TMEM117: variants seen among roughly 807,000 people sequenced by gnomAD.
The protein encoded by TMEM117 is transmembrane protein 117.
In TMEM117, 27 loss-of-function variants were observed where a neutral mutation model predicts 52.4. The ratio of observed to expected loss-of-function variants is 0.51; its 90% CI spans 0.38 to 0.71. The LOEUF is 0.71. Ranked by LOEUF, TMEM117 falls within the 30% of genes least tolerant of loss-of-function variation. The probability of loss-of-function intolerance (pLI) is 0.00; values close to 1 mark genes in which losing one functional copy is unlikely to be tolerated. For synonymous variants in TMEM117, 215 were observed against 206.3 expected (o/e 1.04, Z -0.36); for missense variants, 556 against 630.5 (o/e 0.88, Z 1.26).
At chr12:44,002,504 G>A (rs979786767) in intron 3 of TMEM117, among the ~76,000 whole-genome samples, 1 of 152,146 alleles carries the variant, frequency 6.6e-6, no homozygotes, top group East Asian at 1.9e-4. Flanking sequence ...GAGGGACAAG[G>A]GAAATCTTTC....
At chr12:43,928,174 A>G (rs1304310176) in intron 2 of TMEM117, among the ~76,000 whole-genome samples, 3 of 152,134 alleles carry the variant, frequency 2.0e-5, no homozygotes, top group South Asian at 2.1e-4. Context: ...CTAAATAATA[A>G]AAGTTCTCTA....
chr12:43,936,650 A>G (rs1157258009), intron 2 of TMEM117, among the ~76,000 whole-genome samples: 2 of 152,226 alleles, frequency 1.3e-5, no homozygotes, highest in Non-Finnish European at 2.9e-5. Context: ...TAGAAAAAGA[A>G]TGGCATATTT....
chr12:43,820,340 C>T, the TMEM117 span, among the ~76,000 whole-genome samples: 95 of 152,280 alleles, frequency 6.2e-4, no homozygotes, highest in African/African-American at 2.1e-3. Flanking sequence ...GTGGCACAGT[C>T]GCCACTCACT....
At chr12:44,012,546 T>C (rs979995771) in intron 3 of TMEM117, among the ~76,000 whole-genome samples, 3 of 152,092 alleles carry the variant, frequency 2.0e-5, no homozygotes, top group African/African-American at 7.2e-5. Context: ...TGACATATTC[T>C]CAAAAATAAA....
intron 5 of TMEM117, among the ~76,000 whole-genome samples, chr12:44,277,857 G>T (rs1349979552): frequency 6.9e-6 from 1 of 145,818 alleles, no homozygotes; most frequent in Non-Finnish European, 1.5e-5. Context: ...TCCACCTTCC[G>T]GGTTCAAGCG....
chr12:44,328,999 G>A (rs1951232641), intron 6 of TMEM117, among the ~76,000 whole-genome samples: 1 of 151,620 alleles, frequency 6.6e-6, no homozygotes, highest in African/African-American at 2.4e-5. Flanking sequence ...GGTCGCAGAA[G>A]GGACAAGCAG....
At chr12:43,907,447 C>T (rs1414189536) in intron 2 of TMEM117, among the ~76,000 whole-genome samples, 2 of 151,554 alleles carry the variant, frequency 1.3e-5, no homozygotes, top group African/African-American at 4.8e-5. Flanking sequence ...GCCTCTCCTC[C>T]TCCAAAGGAA....
At chr12:44,090,764 A>G (rs1165067483) in intron 3 of TMEM117, among the ~76,000 whole-genome samples, 1 of 151,890 alleles carries the variant, frequency 6.6e-6, no homozygotes, top group African/African-American at 2.4e-5. Flanking sequence ...AAGACAAGAA[A>G]AACACTTAAT....
At chr12:43,946,236 GT>G (rs1470293915) in intron 3 of TMEM117, among the ~76,000 whole-genome samples, 27 of 152,080 alleles carry the variant, frequency 1.8e-4, no homozygotes, top group Non-Finnish European at 3.5e-4. Flanking sequence ...TCTGTGAGTT[GT>G]TTTTGAACTC....
At chr12:43,841,769 G>A (rs1943119379) in intron 1 of TMEM117, among the ~76,000 whole-genome samples, 1 of 152,188 alleles carries the variant, frequency 6.6e-6, no homozygotes. Context: ...TCTTCTGAGA[G>A]GTGACTTTGG....
intron 3 of TMEM117, among the ~76,000 whole-genome samples, chr12:44,030,671 A>G (rs1399658195): frequency 6.6e-6 from 1 of 152,228 alleles, no homozygotes; most frequent in African/African-American, 2.4e-5. Flanking sequence ...GTGTTCCATT[A>G]TTGGAACGCT....
At chr12:43,993,914 T>G (rs1283389635) in intron 3 of TMEM117, among the ~76,000 whole-genome samples, 1 of 152,122 alleles carries the variant, frequency 6.6e-6, no homozygotes, top group Non-Finnish European at 1.5e-5. Flanking sequence ...AGGCTGGTCT[T>G]GAACTCCTGG....
intron 3 of TMEM117, among the ~76,000 whole-genome samples, chr12:43,992,782 T>C (rs1236154387): frequency 6.6e-6 from 1 of 152,208 alleles, no homozygotes; most frequent in Admixed American, 6.5e-5. Context: ...CCTCAGGCTA[T>C]GTTCGACTCA....
chr12:43,805,106 G>A, the TMEM117 span, among the ~76,000 whole-genome samples: 1 of 152,182 alleles, frequency 6.6e-6, no homozygotes, highest in East Asian at 1.9e-4. Flanking sequence ...TCAAAAGCTA[G>A]ATTAAACTCA....
chr12:44,104,950 G>T (rs1268755325), intron 3 of TMEM117, among the ~76,000 whole-genome samples: 1 of 151,796 alleles, frequency 6.6e-6, no homozygotes, highest in South Asian at 2.1e-4. Context: ...ATGCCTAGAT[G>T]TAGACTTTTG....
At chr12:44,383,267 A>G (rs529987465) in intron 7 of TMEM117, among the ~76,000 whole-genome samples, 1 of 152,316 alleles carries the variant, frequency 6.6e-6, no homozygotes, top group South Asian at 2.1e-4. Context: ...AGTTCATTAT[A>G]TGGTGGAATT....
At chr12:43,819,701 A>G in the TMEM117 span, among the ~76,000 whole-genome samples, 1 of 152,172 alleles carries the variant, frequency 6.6e-6, no homozygotes, top group South Asian at 2.1e-4. Context: ...GCATGAACCC[A>G]GGAGGCGGAG....
chr12:44,102,475 T>C (rs936732539), intron 3 of TMEM117, among the ~76,000 whole-genome samples: 2 of 151,898 alleles, frequency 1.3e-5, no homozygotes, highest in Admixed American at 1.3e-4. Flanking sequence ...CCTCTATCCA[T>C]CTCTCTAAAT....
intron 3 of TMEM117, among the ~76,000 whole-genome samples, chr12:44,016,055 C>T (rs12303163): frequency 0.036 from 5,458 of 152,152 alleles, 209 homozygotes; most frequent in African/African-American, 0.093. Context: ...CTGTGGGTCA[C>T]CCCCGTTGAA....
Sources: allele counts gnomAD v4.1 joint callset (sites outside exome capture counted in the v4.1 genomes callset), GRCh38; gene constraint gnomAD v4.1.1; transcripts MANE v1.5; gene names NCBI Gene and HGNC (gene_info 2026-07-23, HGNC 2026-07-21).